ADCK2: variants seen among roughly 807,000 people sequenced by gnomAD.
The protein encoded by ADCK2 is aarF domain containing kinase 2, also known as uncharacterized aarF domain-containing protein kinase 2.
ADCK2 carries 37 observed loss-of-function variants against 52.3 expected under a neutral mutation model. The observed-to-expected ratio is 0.71, with a 90% CI of 0.54 to 0.93. ADCK2 has a LOEUF of 0.93. ADCK2 is among the 40% of genes least tolerant of loss of function. The probability of loss-of-function intolerance (pLI) is 0.00; values close to 1 mark genes in which losing one functional copy is unlikely to be tolerated. For synonymous variants in ADCK2, 321 were observed against 349.2 expected (o/e 0.92, Z 0.90); for missense variants, 695 against 798.7 (o/e 0.87, Z 1.56).
intron 4 of ADCK2, 111 bp downstream of exon 4, chr7:140,681,248 G>A (rs574323766): frequency 1.9e-5 from 18 of 960,028 alleles, no homozygotes; most frequent in African/African-American, 1.1e-4. Flanking sequence ...GCAGCAAGCC[G>A]CCAGGTTGAG....
chr7:140,679,380 G>A, intron 3 of ADCK2, 97 bp downstream of exon 3: 1 of 1,523,992 alleles, frequency 6.6e-7, no homozygotes, highest in Non-Finnish European at 8.9e-7. Flanking sequence ...GAGAGAGGAT[G>A]GGATTTGTGT....
chr7:140,692,919 A>C (rs1794732926), intron 7 of ADCK2, among the ~76,000 whole-genome samples: 1 of 152,250 alleles, frequency 6.6e-6, no homozygotes, highest in Middle Eastern at 3.4e-3. Flanking sequence ...CTTCCATAGG[A>C]GCTGTACCAT....
rs753852220 is a variant in ADCK2 at position 140,690,855 on chromosome 7, C to CG, written c.1740+46dup. The stretch of plus-strand genomic sequence containing the variant: ...GGGGAGGTCTCTGGGGAAGGTGGGA[C>CG]GGGGCAGGGAGGAATGGGAGGACAC... On this transcript the variant is annotated intron_variant, in intron 7 of 7. Transcript: ENST00000072869. The CG allele has an allele frequency of 1.9e-4, 298 of 1,585,428 alleles. 1 individual carries two copies. Among genetic ancestry groups the CG allele is most frequent in the Middle Eastern group, 1.5e-3 (9 of 5,908 alleles).
chr7:140,689,288 T>A (rs1252088835), intron 5 of ADCK2, among the ~76,000 whole-genome samples: 1 of 152,160 alleles, frequency 6.6e-6, no homozygotes, highest in Non-Finnish European at 1.5e-5. Context: ...AAAAATTTTT[T>A]TTTTTTAAAC....
At chr7:140,689,542 G>C in intron 5 of ADCK2, 55 bp from the exon 6 acceptor site, 1 of 1,521,190 alleles carries the variant, frequency 6.6e-7, no homozygotes, top group Non-Finnish European at 8.9e-7. Flanking sequence ...CTTGGGCACC[G>C]CATCCAGGTT....
At position 140,674,747 on chromosome 7, in the gene ADCK2, T is replaced by C; in HGVS notation, c.1070T>C (p.Met357Thr). Residue 357 changes from methionine (M) to threonine (T), a missense_variant, in exon 2 of 8, where the codon ATG becomes ACG. Transcript: ENST00000072869. The surrounding 1 kb of genome is among the most constrained non-coding windows in gnomAD (Gnocchi z 4.6). ...ATTGTGGAGGAATTTGAGAAGCTGA[T>C]GGTCCAACAGGTGAGTTCTCCTCCC... ...PEIVEEFEKL[M>T]VQQIDLRYEA... 6.2e-7 allele frequency: 1 copy of C among 1,614,048 alleles called. No homozygotes were observed. The highest frequency in any genetic ancestry group is 1.1e-5 in the South Asian group (1 of 91,052).
In ADCK2 at chr7:140,673,137, G is replaced by T; in HGVS notation, c.-194G>T. ...CCTTCCGCGCGGCGCGGCGCGGCGC[G>T]GCGGGTGTCGGGCGGGGCGCGGGCC... On this transcript the variant is annotated 5_prime_UTR_variant, in exon 1 of 8. Transcript: ENST00000072869. This position sits in a 1 kb window ranked among gnomAD's most constrained non-coding sequence, Gnocchi z 6.4. 3.3e-6 allele frequency: 1 copy of T among 305,380 alleles called. No homozygotes were observed. 18.9% of individuals were successfully genotyped at this position (305,380 alleles called of 1,614,324 possible). A position where few individuals can be genotyped will look rare whatever the true frequency, so the allele number is the denominator to read the frequency against.
At chr7:140,680,354 TG>T (rs1180735752) in intron 3 of ADCK2, among the ~76,000 whole-genome samples, 1 of 152,116 alleles carries the variant, frequency 6.6e-6, no homozygotes, top group Non-Finnish European at 1.5e-5. Context: ...GGTTTCTCCC[TG>T]TTGCCCAGGC....
intron 7 of ADCK2, 40 bp from the exon 8 acceptor site, chr7:140,694,623 A>C: frequency 6.3e-7 from 1 of 1,590,486 alleles, no homozygotes; most frequent in Non-Finnish European, 8.6e-7. Flanking sequence ...TCCCTGTATC[A>C]GCATGTTCTG....
rs78670397 is a variant in ADCK2 at position 140,693,298 on chromosome 7, G to C, written c.1741-1365G>C. Among the ~76,000 whole-genome samples, 22 of 152,348 alleles carry C rather than the reference G, an allele frequency of 1.4e-4. No homozygotes were observed. In the East Asian group the frequency reaches 4.2e-3, roughly 29 times the overall value. On this transcript the variant is annotated intron_variant, in intron 7 of 7. Coordinates refer to ENST00000072869, the MANE Select transcript of ADCK2 (RefSeq NM_052853.4). This position sits in a 1 kb window ranked among gnomAD's most constrained non-coding sequence, Gnocchi z 4.0. ...TGGGTTCCCACCCGGACCAGAGCCT[G>C]TGTGGCCAATCTGCCAGGCTGGAAC...
rs1251608254 is a variant in ADCK2 at position 140,687,047 on chromosome 7, G to C, written c.1363G>C (p.Gly455Arg). The C allele has an allele frequency of 1.2e-6, 2 of 1,614,082 alleles. No individual in the cohort carries two copies. Among genetic ancestry groups the C allele is most frequent in the South Asian group, 2.2e-5 (2 of 91,076 alleles). ...DLHPGNILVQ[G>R]ANGLSSSQEA... Reference sequence around the variant, plus strand: ...TCACCCTGGAAACATCCTGGTTCAGGGTGCCAACGGCCTGTCCTCGAGTCA... The same window carrying C: ...TCACCCTGGAAACATCCTGGTTCAGCGTGCCAACGGCCTGTCCTCGAGTCA... Residue 455 changes from glycine (G) to arginine (R), a missense_variant, in exon 5 of 8, where the codon GGT becomes CGT. Physicochemically the swap from Gly to Arg is moderately radical, Grantham distance 125. Coordinates refer to ENST00000072869, the MANE Select transcript of ADCK2 (RefSeq NM_052853.4).
intron 7 of ADCK2, among the ~76,000 whole-genome samples, chr7:140,692,109 A>G (rs1030660097): frequency 1.3e-5 from 2 of 152,208 alleles, no homozygotes; most frequent in African/African-American, 4.8e-5. Context: ...CTCCAGATGC[A>G]TAGTGTTAGC....
At chr7:140,675,962 A>G (rs2930320) in intron 2 of ADCK2, among the ~76,000 whole-genome samples, 7,812 of 152,290 alleles carry the variant, frequency 0.051, 247 homozygotes, top group Non-Finnish European at 0.069. Context: ...GGAGGTTTTC[A>G]GAAGCAACCT....
chr7:140,674,512 G>A lies in ADCK2; in HGVS notation c.934-99G>A, dbSNP rs1003423074. The stretch of plus-strand genomic sequence containing the variant: ...GACCACATCCTCTTTTCTTTGATAA[G>A]AAGCCACCTGGCTCTTGCTTGGATG... On this transcript the variant is annotated intron_variant, in intron 1 of 7. Transcript: ENST00000072869. The surrounding 1 kb of genome is among the most constrained non-coding windows in gnomAD (Gnocchi z 4.6). The A allele has an allele frequency of 7.0e-6, 10 of 1,433,048 alleles. No homozygotes were observed. The highest frequency in any genetic ancestry group is 1.4e-5 in the African/African-American group (1 of 70,090). The allele number at this position is 1,433,048 out of a possible 1,614,324, so 88.8% of individuals were successfully genotyped here.
At chr7:140,679,132 C>G (rs750490326) in intron 2 of ADCK2, 23 bp from the exon 3 acceptor site, 2 of 1,613,178 alleles carry the variant, frequency 1.2e-6, no homozygotes, top group Admixed American at 1.7e-5. Context: ...TAGCCCTCAT[C>G]CTTTCTGTCC....
chr7:140,690,821 CCATT>C lies in ADCK2; in HGVS notation c.1740+11_1740+14del. On this transcript the variant is annotated intron_variant, in intron 7 of 7. Coordinates refer to ENST00000072869, the MANE Select transcript of ADCK2 (RefSeq NM_052853.4). ...TTGCTGATGACTCACAAGGTGAGGG[CCATT>C]CAGAGGGGAGGTCTCTGGGGAAGGT... 6.2e-7 allele frequency: 1 copy of C among 1,613,008 alleles called. No homozygotes were observed. The highest frequency in any genetic ancestry group is 1.1e-5 in the South Asian group (1 of 91,004).
At chr7:140,692,160 C>T (rs1339348389) in intron 7 of ADCK2, among the ~76,000 whole-genome samples, 1 of 152,236 alleles carries the variant, frequency 6.6e-6, no homozygotes, top group Non-Finnish European at 1.5e-5. Context: ...TTTGGCAGAG[C>T]TGAAACTCTA....
chr7:140,689,752 G>C (rs761924961), intron 6 of ADCK2, 27 bp downstream of exon 6: 23 of 1,593,370 alleles, frequency 1.4e-5, no homozygotes, highest in Non-Finnish European at 2.0e-5. Flanking sequence ...CGGAACAGGG[G>C]CTGGGGAGTC....
intron 2 of ADCK2, among the ~76,000 whole-genome samples, chr7:140,677,813 T>C (rs575452685): frequency 6.6e-6 from 1 of 152,144 alleles, no homozygotes; most frequent in African/African-American, 2.4e-5. Flanking sequence ...TATTGAAAGG[T>C]GACTGGTGTT....
Sources: gnomAD v4.1 joint callset for allele counts (sites outside exome capture counted in the v4.1 genomes callset) on GRCh38, gnomAD v4.1.1 for gene constraint, Gnocchi (gnomAD v3.1) non-coding constraint, MANE v1.5 for transcripts, NCBI Gene and HGNC (gene_info 2026-07-23, HGNC 2026-07-21) for gene names.